The following NPHP1 variants were observed in gnomAD, a reference collection of about 807,000 sequenced individuals.
The protein encoded by NPHP1 is nephrocystin-1.
Under a neutral mutation model 90.4 loss-of-function variants are expected in NPHP1, and 70 were observed. The ratio of observed to expected loss-of-function variants is 0.77; its 90% CI spans 0.64 to 0.95. The LOEUF is 0.95. Ranked by LOEUF, NPHP1 falls within the 40% of genes least tolerant of loss-of-function variation. The pLI is 0.00. For synonymous variants in NPHP1, 256 were observed against 271.7 expected, an observed-to-expected ratio of 0.94 and a Z score of 0.57; for missense variants, 764 against 795.9, an observed-to-expected ratio of 0.96 and a Z score of 0.48.
intron 11 of NPHP1, among the ~76,000 whole-genome samples, chr2:110,154,970 G>T (rs188776866): frequency 1.2e-4 from 19 of 152,256 alleles, no homozygotes; most frequent in African/African-American, 4.6e-4. Context: ...GTCTCCAGAG[G>T]ATGTCAGAGG....
chr2:110,124,644 G>T (rs1679222523), intron 19 of NPHP1: 1 of 180,222 alleles, frequency 5.5e-6, no homozygotes, highest in Admixed American at 5.3e-5. Flanking sequence ...CACAGGCCAT[G>T]GTGGGAATCT....
intron 10 of NPHP1, 90 bp from the exon 11 acceptor site, chr2:110,160,345 C>T: frequency 2.8e-6 from 3 of 1,078,564 alleles, no homozygotes; most frequent in Admixed American, 2.3e-5. Flanking sequence ...AAAATGTATA[C>T]AGAATTTTTA....
chr2:110,133,617 G>T (rs1227449936), intron 16 of NPHP1, among the ~76,000 whole-genome samples: 1 of 152,050 alleles, frequency 6.6e-6, no homozygotes, highest in Non-Finnish European at 1.5e-5. Context: ...CTCCAGGAAA[G>T]ACCATATGTT....
intron 19 of NPHP1, 152 bp downstream of exon 19, chr2:110,125,485 A>G (rs1679284157): frequency 1.3e-5 from 15 of 1,125,490 alleles, no homozygotes; most frequent in Admixed American, 6.8e-5. Flanking sequence ...ACCCTCTTGG[A>G]ATGTGTTTTT....
At chr2:110,170,188 A>G (rs1290975214) in intron 4 of NPHP1, among the ~76,000 whole-genome samples, 190 bp from the exon 5 acceptor site, 1 of 152,144 alleles carries the variant, frequency 6.6e-6, no homozygotes, top group Non-Finnish European at 1.5e-5. Context: ...TGAGGCGGAG[A>G]GGGAGCTGAG....
intron 2 of NPHP1, among the ~76,000 whole-genome samples, chr2:110,191,887 AG>A (rs1684775682): frequency 6.6e-6 from 1 of 150,484 alleles, no homozygotes; most frequent in South Asian, 2.2e-4. Context: ...GCTGATACCC[AG>A]GCAAACAGCG....
At chr2:110,198,347 T>C (rs1170241712) in intron 2 of NPHP1, among the ~76,000 whole-genome samples, 1 of 152,220 alleles carries the variant, frequency 6.6e-6, no homozygotes, top group Non-Finnish European at 1.5e-5. Context: ...TTATAAATTA[T>C]CTAATATTAT....
chr2:110,159,104 T>C (rs1027389288), intron 11 of NPHP1, among the ~76,000 whole-genome samples: 5 of 152,072 alleles, frequency 3.3e-5, no homozygotes, highest in Non-Finnish European at 7.4e-5. Flanking sequence ...CCCAGGAATG[T>C]ACATTTGAAT....
chr2:110,160,416 A>T (rs2104543578), intron 10 of NPHP1, among the ~76,000 whole-genome samples, 161 bp from the exon 11 acceptor site: 1 of 152,286 alleles, frequency 6.6e-6, no homozygotes, highest in Admixed American at 6.5e-5. Flanking sequence ...TTGAAAATTA[A>T]ATCAGTCATT....
chr2:110,192,153 C>T (rs567165580), intron 2 of NPHP1, among the ~76,000 whole-genome samples: 21 of 152,118 alleles, frequency 1.4e-4, no homozygotes, highest in Non-Finnish European at 2.6e-4. Flanking sequence ...CAAAGCTGGA[C>T]GGAGAATGAC....
In NPHP1 at chr2:110,130,883, A is replaced by G. The variant is rs146255792; in HGVS notation, c.1642+796T>C. Among the ~76,000 whole-genome samples, 829 of 152,204 alleles carry G rather than the reference A, an allele frequency of 5.4e-3. 13 individuals carry two copies. The highest frequency in any genetic ancestry group is 0.017 in the African/African-American group (709 of 41,530). ...TTCCCAGTGCATGTTCTCGTTGTGT[A>G]TTTTCCTTCACAGCACTTATTTCAA... On this transcript the variant is annotated intron_variant, in intron 17 of 19. Coordinates refer to ENST00000445609, the MANE Select transcript of NPHP1 (RefSeq NM_001128178.3).
intron 1 of NPHP1, among the ~76,000 whole-genome samples, chr2:110,201,900 C>T (rs904726455): frequency 4.6e-5 from 7 of 152,164 alleles, no homozygotes; most frequent in Admixed American, 2.6e-4. Flanking sequence ...TAGAAAACTA[C>T]CATCACCCTA....
intron 1 of NPHP1, among the ~76,000 whole-genome samples, chr2:110,203,804 G>GC (rs1553498458): frequency 8.3e-4 from 120 of 144,268 alleles, no homozygotes; most frequent in Non-Finnish European, 6.4e-4. Flanking sequence ...TTTTTAAAAA[G>GC]TTTTTTTTTT....
intron 14 of NPHP1, among the ~76,000 whole-genome samples, chr2:110,145,759 C>T (rs1411005419): frequency 1.3e-5 from 2 of 152,118 alleles, no homozygotes; most frequent in African/African-American, 4.8e-5. Context: ...AATAGATATA[C>T]AATTCCTTAT....
intron 11 of NPHP1, among the ~76,000 whole-genome samples, chr2:110,158,220 A>G (rs1574113840): frequency 6.6e-6 from 1 of 152,222 alleles, no homozygotes; most frequent in East Asian, 1.9e-4. Flanking sequence ...CTGACCCAGG[A>G]CCGTCTATAT....
At chr2:110,197,942 T>G (rs1043461274) in intron 2 of NPHP1, among the ~76,000 whole-genome samples, 1 of 152,166 alleles carries the variant, frequency 6.6e-6, no homozygotes, top group Non-Finnish European at 1.5e-5. Context: ...ATGTAATTAT[T>G]AAAATCCTCA....
chr2:110,198,548 T>C (rs1685319849), intron 2 of NPHP1, among the ~76,000 whole-genome samples: 1 of 152,098 alleles, frequency 6.6e-6, no homozygotes, highest in African/African-American at 2.4e-5. Context: ...AGCTCCCTTT[T>C]CCCCTCTCTG....
At chr2:110,197,132 G>A (rs1029276302) in intron 2 of NPHP1, among the ~76,000 whole-genome samples, 1 of 152,068 alleles carries the variant, frequency 6.6e-6, no homozygotes, top group Non-Finnish European at 1.5e-5. Flanking sequence ...CCTGTAGGAA[G>A]GAGGTATTAG....
At chr2:110,137,702 T>C (rs1211513539) in intron 16 of NPHP1, among the ~76,000 whole-genome samples, 1 of 151,558 alleles carries the variant, frequency 6.6e-6, no homozygotes, top group African/African-American at 2.4e-5. Context: ...TGTGGAGAAA[T>C]AGGAACACTT....
Sources: gnomAD v4.1 joint callset for allele counts (sites outside exome capture counted in the v4.1 genomes callset) on GRCh38, gnomAD v4.1.1 for gene constraint, MANE v1.5 for transcripts, NCBI Gene and HGNC (gene_info 2026-07-23, HGNC 2026-07-21) for gene names.